Variants in C9orf43 observed in about 807,000 individuals in gnomAD.
C9orf43 encodes the protein uncharacterized protein C9orf43.
A neutral mutation model predicts 59.1 loss-of-function variants in C9orf43; 45 were observed. That is an observed-to-expected ratio of 0.76 (90% CI 0.60 to 0.98). The LOEUF (loss-of-function observed/expected upper bound fraction) is 0.98, where lower values mean the gene tolerates loss of function less well. Among genes scored for constraint, C9orf43 ranks in the 50% least tolerant of loss-of-function variants. The pLI, the probability that C9orf43 is intolerant of heterozygous loss-of-function variation, is 0.00. For missense variants in C9orf43, 533 were observed against 554.9 expected, an observed-to-expected ratio of 0.96 and a Z score of 0.40; for synonymous variants, 203 against 196.8, an observed-to-expected ratio of 1.03 and a Z score of -0.26.
At chr9:113,429,069 C>G in intron 13 of C9orf43, 103 bp from the exon 14 acceptor site, 1 of 1,488,944 alleles carries the variant, frequency 6.7e-7, no homozygotes, top group Non-Finnish European at 9.4e-7. Flanking sequence ...GTTCCTCTAT[C>G]TCAGAGAAGT....
chr9:113,420,845 G>A (rs1828534993), intron 4 of C9orf43: 9 of 947,580 alleles, frequency 9.5e-6, no homozygotes, highest in Non-Finnish European at 1.1e-5. Flanking sequence ...GATTGGATTG[G>A]GAGTTGCTAA....
At position 113,411,447 on chromosome 9, in the gene C9orf43, C is replaced by G. The variant is rs866718833; in HGVS notation, c.-50+446C>G. ...CTTAGTAGCTGGGACTACAGACGCCCGCCACCACGCCCGGCTAATTTTTTT... is the reference window on the plus strand; with the variant it reads ...CTTAGTAGCTGGGACTACAGACGCCGGCCACCACGCCCGGCTAATTTTTTT... On this transcript the variant is annotated intron_variant, in intron 1 of 13. Transcript: ENST00000374165. 2.6e-5 allele frequency among the ~76,000 whole-genome samples: 4 copies of G among 151,994 alleles called. No individual in the cohort carries two copies. In the Middle Eastern group the frequency reaches 0.014, roughly 517 times the overall value.
intron 6 of C9orf43, 53 bp downstream of exon 6, chr9:113,422,638 T>C: frequency 6.2e-7 from 1 of 1,602,292 alleles, no homozygotes. Context: ...GTAGAGTTTA[T>C]TTTGTTTTCC....
intron 3 of C9orf43, among the ~76,000 whole-genome samples, chr9:113,414,614 C>T (rs1462316344): frequency 1.3e-5 from 2 of 152,080 alleles, no homozygotes; most frequent in Non-Finnish European, 2.9e-5. Context: ...ATGGTCTTCC[C>T]TCTGTGCGTC....
chr9:113,420,020 A>T (rs544350567), intron 4 of C9orf43, among the ~76,000 whole-genome samples: 7 of 152,242 alleles, frequency 4.6e-5, no homozygotes, highest in African/African-American at 1.7e-4. Flanking sequence ...TTTTGAATGG[A>T]TGAATTGACT....
chr9:113,422,605 G>A lies in C9orf43; in HGVS notation c.483+20G>A. 1 of 1,613,574 alleles carries A rather than the reference G, an allele frequency of 6.2e-7. No individual in the cohort carries two copies. The highest frequency in any genetic ancestry group is 8.5e-7 in the Non-Finnish European group (1 of 1,179,798). ...GCAGTGGTGAGTTTGATGTTTTTGT[G>A]CAAACCTTTATAATATTGCTATGTA... On this transcript the variant is annotated intron_variant, in intron 6 of 13. Coordinates refer to ENST00000374165, the MANE Select transcript of C9orf43 (RefSeq NM_001278629.2).
At chr9:113,424,349 A>G (rs779802964) in intron 8 of C9orf43, 33 bp downstream of exon 8, 55 of 1,569,102 alleles carry the variant, frequency 3.5e-5, no homozygotes, top group South Asian at 2.4e-4. Flanking sequence ...GAAGAAGCCT[A>G]TGTGAAAATT....
intron 3 of C9orf43, among the ~76,000 whole-genome samples, chr9:113,415,706 T>G (rs919276432): frequency 2.0e-5 from 3 of 152,178 alleles, no homozygotes; most frequent in Admixed American, 6.5e-5. Context: ...CTACAATGTC[T>G]GTGTACCCAA....
At chr9:113,426,878 T>C (rs1828810679) in intron 11 of C9orf43, among the ~76,000 whole-genome samples, 2 of 152,190 alleles carry the variant, frequency 1.3e-5, no homozygotes. Flanking sequence ...AAAGGCTTTA[T>C]GGAAGAGATG....
intron 7 of C9orf43, among the ~76,000 whole-genome samples, chr9:113,423,843 A>G: frequency 6.6e-6 from 1 of 152,208 alleles, no homozygotes; most frequent in East Asian, 1.9e-4. Context: ...TGAATTTTAC[A>G]TTGAAACTTA....
intron 6 of C9orf43, among the ~76,000 whole-genome samples, 174 bp downstream of exon 6, chr9:113,422,759 C>CT (rs948958555): frequency 6.6e-6 from 1 of 152,088 alleles, no homozygotes; most frequent in African/African-American, 2.4e-5. Flanking sequence ...TCAGAGACTC[C>CT]TTTTTTCTGT....
chr9:113,421,784 GTTTTTC>G (rs1828584015), intron 5 of C9orf43, among the ~76,000 whole-genome samples: 1 of 151,888 alleles, frequency 6.6e-6, no homozygotes, highest in Non-Finnish European at 1.5e-5. Flanking sequence ...TATTTCTTTT[GTTTTTC>G]TTTTTAAAAA....
At chr9:113,425,817 C>A in intron 11 of C9orf43, 87 bp downstream of exon 11, 1 of 1,045,760 alleles carries the variant, frequency 9.6e-7, no homozygotes, top group Non-Finnish European at 1.5e-6. Flanking sequence ...ATGCTCTTGT[C>A]ATTTTGAGAC....
At chr9:113,413,730 A>T in intron 2 of C9orf43, 29 bp from the exon 3 acceptor site, 1 of 1,612,538 alleles carries the variant, frequency 6.2e-7, no homozygotes, top group Non-Finnish European at 8.5e-7. Flanking sequence ...CAGCAGGTTA[A>T]CATGTTTTCT....
At chr9:113,426,907 G>C (rs1828811751) in intron 11 of C9orf43, among the ~76,000 whole-genome samples, 1 of 152,206 alleles carries the variant, frequency 6.6e-6, no homozygotes, top group Admixed American at 6.5e-5. Flanking sequence ...ATTGAATCTT[G>C]AGTATGTGTG....
Position 113,428,944 on chromosome 9 carries a change from T to A in C9orf43, c.1152T>A (p.Asp384Glu). 1 of 1,613,896 alleles carries A rather than the reference T, an allele frequency of 6.2e-7. No homozygotes were observed. Among genetic ancestry groups the A allele is most frequent in the South Asian group, 1.1e-5 (1 of 91,066 alleles). ...RPKMNYYDHA[D>E]FHHSVKSPEL... ...AGATGAACTACTATGACCATGCGGATTTCCACCACAGTGTAAAAAGTAAGT... is the reference window on the plus strand; with the variant it reads ...AGATGAACTACTATGACCATGCGGAATTCCACCACAGTGTAAAAAGTAAGT... Residue 384 changes from aspartate (D) to glutamate (E), a missense_variant, in exon 13 of 14, where the codon GAT (aspartate) becomes GAA (glutamate). Physicochemically the swap from Asp to Glu is conservative, Grantham distance 45. Transcript: ENST00000374165.
rs954822798 is a variant in C9orf43, at chr9:113,421,012, G to T, written c.346-91G>T. On this transcript the variant is annotated intron_variant, in intron 4 of 13. Transcript: ENST00000374165. ...GATGGGAAACTTAAAATCATCTTCTGTGCCACCAGACTCTTTGCTTAGCAT... is the reference window on the plus strand; with the variant it reads ...GATGGGAAACTTAAAATCATCTTCTTTGCCACCAGACTCTTTGCTTAGCAT... The T allele has an allele frequency of 8.4e-6, 9 of 1,069,984 alleles. No individual in the cohort carries two copies. In the African/African-American group the frequency reaches 1.4e-4, roughly 17 times the overall value. The allele number at this position is 1,069,984 out of a possible 1,614,324, so 66.3% of individuals were successfully genotyped here. A position where few individuals can be genotyped will look rare whatever the true frequency, so the allele number is the denominator to read the frequency against.
chr9:113,422,610 C>G, intron 6 of C9orf43, 25 bp downstream of exon 6: 1 of 1,613,130 alleles, frequency 6.2e-7, no homozygotes, highest in South Asian at 1.1e-5. Context: ...TTTGTGCAAA[C>G]CTTTATAATA....
intron 11 of C9orf43, among the ~76,000 whole-genome samples, chr9:113,426,655 G>A (rs1230021357): frequency 1.3e-5 from 2 of 152,152 alleles, no homozygotes; most frequent in East Asian, 3.9e-4. Context: ...TCTTATGGGA[G>A]GTGGACAGAA....
Sources: allele counts gnomAD v4.1 joint callset (sites outside exome capture counted in the v4.1 genomes callset), GRCh38; gene constraint gnomAD v4.1.1; transcripts MANE v1.5; gene names NCBI Gene and HGNC (gene_info 2026-07-23, HGNC 2026-07-21).